The following PLEKHG7 variants were observed in gnomAD, a reference collection of about 807,000 sequenced individuals.
The protein encoded by PLEKHG7 is pleckstrin homology domain-containing family G member 7.
Under a neutral mutation model 85.2 loss-of-function variants are expected in PLEKHG7, and 77 were observed. The ratio of observed to expected loss-of-function variants is 0.90; its 90% CI spans 0.75 to 1.09. The LOEUF is 1.09. Among genes scored for constraint, PLEKHG7 ranks in the 50% least tolerant of loss-of-function variants. The probability of loss-of-function intolerance (pLI) is 0.00; values close to 1 mark genes in which losing one functional copy is unlikely to be tolerated. For synonymous variants in PLEKHG7, 301 were observed against 302.4 expected, an observed-to-expected ratio of 1.00 and a Z score of 0.05; for missense variants, 777 against 804.3, an observed-to-expected ratio of 0.97 and a Z score of 0.41.
At chr12:92,744,930 G>A (rs1872485310) in intron 9 of PLEKHG7, among the ~76,000 whole-genome samples, 1 of 152,152 alleles carries the variant, frequency 6.6e-6, no homozygotes, top group Non-Finnish European at 1.5e-5. Context: ...ACCTCTTAAA[G>A]TGCTAGGATT....
intron 15 of PLEKHG7, 126 bp downstream of exon 15, chr12:92,764,320 G>A (rs886329410): frequency 3.1e-6 from 3 of 952,490 alleles, no homozygotes; most frequent in Non-Finnish European, 4.5e-6. Context: ...GTTCCTATGT[G>A]TCTACATATC....
At position 92,736,474 on chromosome 12, in the gene PLEKHG7, T is replaced by C. The variant is rs1872152811; in HGVS notation, c.700-8T>C. ...TTGAAAATCCTGTTTCTAACCATCT[T>C]CGAGCAGGGCAAAGACAAACACAAG... is the stretch of plus-strand genomic sequence containing the variant. On this transcript the variant is annotated splice_region_variant and splice_polypyrimidine_tract_variant and intron_variant, in intron 5 of 16. Coordinates refer to ENST00000344636, the MANE Select transcript of PLEKHG7 (RefSeq NM_001377329.1). 8.1e-7 allele frequency: 1 copy of C among 1,229,992 alleles called. No individual in the cohort carries two copies. Among genetic ancestry groups the C allele is most frequent in the Admixed American group, 4.2e-5 (1 of 23,712 alleles). The allele number at this position is 1,229,992 out of a possible 1,614,324, so 76.2% of individuals were successfully genotyped here.
At chr12:92,734,563 A>G (rs1651845391) in intron 5 of PLEKHG7, among the ~76,000 whole-genome samples, 1 of 152,234 alleles carries the variant, frequency 6.6e-6, no homozygotes, top group African/African-American at 2.4e-5. Flanking sequence ...CTCATAAGCT[A>G]TGGAGCATGC....
chr12:92,756,104 G>A (rs937281473), intron 12 of PLEKHG7, among the ~76,000 whole-genome samples, 164 bp downstream of exon 12: 1 of 152,202 alleles, frequency 6.6e-6, no homozygotes, highest in Admixed American at 6.5e-5. Flanking sequence ...TATGCGGGGA[G>A]GCTGAGGTCG....
intron 13 of PLEKHG7, 27 bp downstream of exon 13, chr12:92,756,418 C>T (rs779869124): frequency 6.5e-7 from 1 of 1,531,788 alleles, no homozygotes; most frequent in Non-Finnish European, 9.0e-7. Flanking sequence ...TTTAAAAAAC[C>T]CAACATCTGT....
chr12:92,772,122 G>C lies in PLEKHG7; in HGVS notation c.*1927G>C, dbSNP rs577370988. Reference sequence around the variant, plus strand: ...AATAGCAAAAAACAATGGCACATTGGGCCTTCCAAAAAGTATCTTTGGGGA... The same window carrying C: ...AATAGCAAAAAACAATGGCACATTGCGCCTTCCAAAAAGTATCTTTGGGGA... On this transcript the variant is annotated 3_prime_UTR_variant, in exon 17 of 17. Transcript: ENST00000344636. The C allele has an allele frequency of 6.6e-6, 1 of 150,762 alleles. No individual in the cohort carries two copies. The highest frequency in any genetic ancestry group is 2.4e-5 in the African/African-American group (1 of 41,146). 9.3% of individuals were successfully genotyped at this position (150,762 alleles called of 1,614,324 possible). A position where few individuals can be genotyped will look rare whatever the true frequency, so the allele number is the denominator to read the frequency against.
In PLEKHG7 at chr12:92,770,245, T is replaced by G; in HGVS notation, c.*50T>G. The G allele has an allele frequency of 1.5e-6, 2 of 1,328,360 alleles. No homozygotes were observed. The highest frequency in any genetic ancestry group is 2.1e-6 in the Non-Finnish European group (2 of 948,214). 82.3% of individuals were successfully genotyped at this position (1,328,360 alleles called of 1,614,324 possible). A position where few individuals can be genotyped will look rare whatever the true frequency, so the allele number is the denominator to read the frequency against. Reference sequence around the variant, plus strand: ...TTTTAGAAGATTATGGTTTAAGGTATAATTTCATTCAAAGTTTTGTAACAC... The same window carrying G: ...TTTTAGAAGATTATGGTTTAAGGTAGAATTTCATTCAAAGTTTTGTAACAC... On this transcript the variant is annotated 3_prime_UTR_variant, in exon 17 of 17. Transcript: ENST00000344636.
chr12:92,754,042 C>T (rs1872758175), intron 10 of PLEKHG7, 48 bp from the exon 11 acceptor site: 1 of 1,578,454 alleles, frequency 6.3e-7, no homozygotes, highest in African/African-American at 1.3e-5. Flanking sequence ...CTTAGTGGCT[C>T]AGTGGGAGAG....
rs910409949 is a variant in PLEKHG7 at position 92,742,982 on chromosome 12, C to T, written c.1137+1390C>T. On this transcript the variant is annotated intron_variant, in intron 9 of 16. Coordinates refer to ENST00000344636, the MANE Select transcript of PLEKHG7 (RefSeq NM_001377329.1). ...TCTTTACTAAGGGTCTATAATAAAC[C>T]CACATATGAATGCCCCACGCTATGC... Among the ~76,000 whole-genome samples, 25 of 151,904 alleles carry T rather than the reference C, an allele frequency of 1.6e-4. 1 individual carries two copies.
At chr12:92,761,045 T>G (rs1489888619) in intron 13 of PLEKHG7, among the ~76,000 whole-genome samples, 2 of 152,114 alleles carry the variant, frequency 1.3e-5, no homozygotes, top group Non-Finnish European at 2.9e-5. Flanking sequence ...GGTGGAGGTA[T>G]CCGGTGTCTC....
intron 16 of PLEKHG7, among the ~76,000 whole-genome samples, chr12:92,769,789 T>C (rs1038566852): frequency 6.6e-6 from 1 of 152,240 alleles, no homozygotes; most frequent in African/African-American, 2.4e-5. Context: ...AAACTACATA[T>C]ATTCTCAGTG....
At chr12:92,752,583 G>A (rs1391719857) in intron 10 of PLEKHG7, among the ~76,000 whole-genome samples, 2 of 152,302 alleles carry the variant, frequency 1.3e-5, no homozygotes, top group East Asian at 3.9e-4. Context: ...TGCAGCAGGA[G>A]TCTCCTGCAG....
chr12:92,765,574 A>G (rs973876097), intron 15 of PLEKHG7, among the ~76,000 whole-genome samples: 2 of 150,894 alleles, frequency 1.3e-5, no homozygotes, highest in Non-Finnish European at 2.9e-5. Flanking sequence ...GGTTGTGGTG[A>G]GCCGAGACTG....
chr12:92,764,763 A>T (rs183794780), intron 15 of PLEKHG7, among the ~76,000 whole-genome samples: 1 of 152,186 alleles, frequency 6.6e-6, no homozygotes, highest in East Asian at 1.9e-4. Flanking sequence ...ATCTCCTGAG[A>T]CCCAGGAACT....
At chr12:92,728,862 A>G in intron 3 of PLEKHG7, 131 bp from the exon 4 acceptor site, 1 of 629,060 alleles carries the variant, frequency 1.6e-6, no homozygotes, top group Non-Finnish European at 2.3e-6. Context: ...CATTCCCACC[A>G]ATGGACTATA....
intron 10 of PLEKHG7, chr12:92,749,799 G>A (rs955449492): frequency 7.9e-5 from 12 of 151,654 alleles, no homozygotes; most frequent in Non-Finnish European, 1.6e-4. Context: ...GAGGTTCCAA[G>A]AATTCTGGTT....
rs11838207 is a variant in PLEKHG7, at chr12:92,756,039, A to C, written c.1542+99A>C. On this transcript the variant is annotated intron_variant, in intron 12 of 16. Transcript: ENST00000344636. ...TTAGATGTCCCCATCTGTCCACTTG[A>C]AGAATAAATCTAGTTTCATGAACAA... 4,095 of 848,306 alleles carry C rather than the reference A, an allele frequency of 4.8e-3. 105 individuals carry two copies. The African/African-American group carries it at 0.058, about 12-fold the overall frequency. 52.5% of individuals were successfully genotyped at this position (848,306 alleles called of 1,614,324 possible).
At chr12:92,732,166 A>G (rs893475529) in intron 4 of PLEKHG7, 67 bp from the exon 5 acceptor site, 1 of 984,068 alleles carries the variant, frequency 1.0e-6, no homozygotes, top group African/African-American at 1.7e-5. Flanking sequence ...TTTGTAAAGC[A>G]CTACGATGAT....
At chr12:92,741,717 G>C (rs1027124231) in intron 9 of PLEKHG7, 125 bp downstream of exon 9, 15 of 546,260 alleles carry the variant, frequency 2.7e-5, no homozygotes, top group African/African-American at 2.5e-4. Flanking sequence ...TCCTACAAAG[G>C]AACTGTCCCT....
Sources: gnomAD v4.1 joint callset for allele counts (sites outside exome capture counted in the v4.1 genomes callset) on GRCh38, gnomAD v4.1.1 for gene constraint, MANE v1.5 for transcripts, NCBI Gene and HGNC (gene_info 2026-07-23, HGNC 2026-07-21) for gene names.